Variants in NEK6 observed in about 807,000 individuals in gnomAD.
NEK6 encodes NIMA related kinase 6, also known as serine/threonine-protein kinase Nek6.
Under a neutral mutation model 43.5 loss-of-function variants are expected in NEK6, and 27 were observed. That is an observed-to-expected ratio of 0.62 (90% confidence interval 0.46 to 0.86). The LOEUF is 0.86. Among genes scored for constraint, NEK6 ranks in the 40% least tolerant of loss-of-function variants. The pLI is 0.00. For missense variants in NEK6, 318 were observed against 414.4 expected (o/e 0.77, Z 2.02); for synonymous variants, 167 against 164.1 (o/e 1.02, Z -0.14).
chr9:124,305,655 C>T (rs1294652593), intron 2 of NEK6, among the ~76,000 whole-genome samples: 2 of 152,054 alleles, frequency 1.3e-5, no homozygotes, highest in South Asian at 2.1e-4. Flanking sequence ...ATGGGAAGTG[C>T]CCAGTGCCTG....
chr9:124,299,246 G>A (rs930767946), intron 1 of NEK6, among the ~76,000 whole-genome samples: 1 of 152,142 alleles, frequency 6.6e-6, no homozygotes, highest in Non-Finnish European at 1.5e-5. Flanking sequence ...GATAAAGATG[G>A]AACCTTCTCA....
chr9:124,349,281 C>CT (rs1463112583), intron 9 of NEK6, among the ~76,000 whole-genome samples: 6 of 152,236 alleles, frequency 3.9e-5, no homozygotes, highest in African/African-American at 9.6e-5. Context: ...TTGCCATTTG[C>CT]TTTTTTCCTT....
At chr9:124,279,371 G>T (rs935777678) in intron 1 of NEK6, among the ~76,000 whole-genome samples, 1 of 147,984 alleles carries the variant, frequency 6.8e-6, no homozygotes, top group Non-Finnish European at 1.5e-5. Flanking sequence ...GCACGATCTC[G>T]GCTCACTGCA....
Position 124,352,481 on chromosome 9 carries a change from A to AACTT in NEK6, c.*1536_*1539dup, listed in dbSNP as rs1386680732. 3 of 152,220 alleles carry AACTT rather than the reference A, an allele frequency of 2.0e-5. No homozygotes were observed. The highest frequency in any genetic ancestry group is 6.5e-5 in the Admixed American group (1 of 15,284). The allele number at this position is 152,220 out of a possible 1,614,324, so 9.4% of individuals were successfully genotyped here. On this transcript the variant is annotated 3_prime_UTR_variant, in exon 10 of 10. Transcript: ENST00000320246. ...TTTGCTTTTAAACCAGTAGATTCAA[A>AACTT]ACTTAAACAGCGTCTGCAGCACAAT...
At chr9:124,303,845 C>T (rs1026535576) in intron 2 of NEK6, among the ~76,000 whole-genome samples, 1 of 152,192 alleles carries the variant, frequency 6.6e-6, no homozygotes, top group African/African-American at 2.4e-5. Context: ...AATTGAATCC[C>T]CCTTGATTAA....
chr9:124,348,992 G>T (rs984228706), intron 9 of NEK6, among the ~76,000 whole-genome samples: 7 of 152,260 alleles, frequency 4.6e-5, no homozygotes, highest in Non-Finnish European at 8.8e-5. Flanking sequence ...ATTAGCTGGG[G>T]TGAGGCTCTG....
chr9:124,269,302 A>C (rs1265516452), intron 1 of NEK6, among the ~76,000 whole-genome samples: 1 of 150,868 alleles, frequency 6.6e-6, no homozygotes, highest in Non-Finnish European at 1.5e-5. Context: ...GTGCCGTGCT[A>C]CTCTAGGGGT....
chr9:124,260,816 CTG>C (rs1386083822), intron 1 of NEK6, among the ~76,000 whole-genome samples: 2 of 152,206 alleles, frequency 1.3e-5, no homozygotes, highest in African/African-American at 4.8e-5. Flanking sequence ...GATGAGGAAA[CTG>C]GGGCACAGAG....
intron 5 of NEK6, among the ~76,000 whole-genome samples, chr9:124,325,750 GC>G (rs1250452886): frequency 6.6e-6 from 1 of 152,190 alleles, no homozygotes; most frequent in Non-Finnish European, 1.5e-5. Context: ...GCAGACTGAT[GC>G]CCGTTGGAAC....
rs10986304 is a variant in NEK6, at chr9:124,287,552, C to T, written c.-29-14384C>T. Among the ~76,000 whole-genome samples the T allele has an allele frequency of 8.5e-3, 1,289 of 152,290 alleles. 48 individuals are homozygous for T. The highest frequency in any genetic ancestry group is 0.07 in the Admixed American group (1,073 of 15,302). On this transcript the variant is annotated intron_variant, in intron 1 of 9. Coordinates refer to ENST00000320246, the MANE Select transcript of NEK6 (RefSeq NM_014397.6). ...CATCAAGAACTGACCAGGCCAGATG[C>T]GGTGGCTCATGCCTGTAATCCCAAC... is the stretch of plus-strand genomic sequence containing the variant.
In NEK6 at chr9:124,353,292, C is replaced by T. The variant is rs908428312; in HGVS notation, c.*2345C>T. On this transcript the variant is annotated 3_prime_UTR_variant, in exon 10 of 10. Coordinates refer to ENST00000320246, the MANE Select transcript of NEK6 (RefSeq NM_014397.6). ...TCACCTGAAGCCTCAAGGGAGTCCA[C>T]TCTGACTTCTGACAGCAGACAGAAC... 2.3e-5 allele frequency: 9 copies of T among 386,108 alleles called. No homozygotes were observed. The highest frequency in any genetic ancestry group is 4.2e-5 in the Non-Finnish European group (9 of 213,958). The allele number at this position is 386,108 out of a possible 1,614,324, so 23.9% of individuals were successfully genotyped here.
intron 8 of NEK6, among the ~76,000 whole-genome samples, chr9:124,340,398 G>C (rs927991648): frequency 2.6e-5 from 4 of 152,172 alleles, no homozygotes; most frequent in African/African-American, 9.7e-5. Flanking sequence ...TAAGTTCTCC[G>C]GTGTCCAGGT....
At chr9:124,303,146 C>T (rs968659279) in intron 2 of NEK6, among the ~76,000 whole-genome samples, 4 of 152,212 alleles carry the variant, frequency 2.6e-5, no homozygotes, top group African/African-American at 9.7e-5. Context: ...GGACAGAGAG[C>T]TTGTCTGGGC....
intron 7 of NEK6, among the ~76,000 whole-genome samples, chr9:124,335,655 C>A (rs542912987): frequency 2.6e-5 from 4 of 152,218 alleles, no homozygotes; most frequent in Non-Finnish European, 5.9e-5. Flanking sequence ...TGAGCGGACG[C>A]CCACAAGGCA....
intron 1 of NEK6, among the ~76,000 whole-genome samples, chr9:124,300,364 C>T (rs1032645913): frequency 6.6e-6 from 1 of 152,134 alleles, no homozygotes; most frequent in Non-Finnish European, 1.5e-5. Context: ...GCCTTTCCCA[C>T]CTCCTGGAAC....
At chr9:124,263,266 T>C (rs966348275) in intron 1 of NEK6, among the ~76,000 whole-genome samples, 3 of 152,232 alleles carry the variant, frequency 2.0e-5, no homozygotes, top group Non-Finnish European at 4.4e-5. Flanking sequence ...TTGTGGACTT[T>C]TGGAGTCTGA....
At chr9:124,308,598 A>G (rs1588491693) in intron 2 of NEK6, among the ~76,000 whole-genome samples, 1 of 151,410 alleles carries the variant, frequency 6.6e-6, no homozygotes, top group Non-Finnish European at 1.5e-5. Flanking sequence ...GGAGATTGCA[A>G]TGAGCCGAGA....
At chr9:124,336,742 C>T (rs1829316435) in intron 7 of NEK6, among the ~76,000 whole-genome samples, 2 of 152,220 alleles carry the variant, frequency 1.3e-5, no homozygotes, top group African/African-American at 4.8e-5. Context: ...GGTGCAGTGG[C>T]TCACACCTAT....
chr9:124,339,455 G>T, intron 7 of NEK6, 116 bp from the exon 8 acceptor site: 1 of 747,534 alleles, frequency 1.3e-6, no homozygotes. Flanking sequence ...GGGCTGCTCA[G>T]AGACCGAGGC....
Sources: gnomAD v4.1 joint callset for allele counts (sites outside exome capture counted in the v4.1 genomes callset) on GRCh38, gnomAD v4.1.1 for gene constraint, MANE v1.5 for transcripts, NCBI Gene and HGNC (gene_info 2026-07-23, HGNC 2026-07-21) for gene names.